The following CPNE4 variants were observed in gnomAD, a reference collection of about 807,000 sequenced individuals.
CPNE4 encodes copine 4.
A neutral mutation model predicts 67.9 loss-of-function variants in CPNE4; 25 were observed. The observed-to-expected ratio is 0.37, with a 90% confidence interval of 0.27 to 0.51. CPNE4 has a LOEUF of 0.51. Among genes scored for constraint, CPNE4 ranks in the 20% least tolerant of loss-of-function variants. CPNE4 has a pLI of 0.93. For missense variants in CPNE4, 464 were observed against 690.8 expected (o/e 0.67, Z 3.68); for synonymous variants, 242 against 244.9 (o/e 0.99, Z 0.11).
chr3:132,010,575 T>G (rs1366526933), intron 1 of CPNE4, among the ~76,000 whole-genome samples: 3 of 152,146 alleles, frequency 2.0e-5, no homozygotes, highest in African/African-American at 7.2e-5. Context: ...ATCTGGACAC[T>G]TGTGTCCAGG....
chr3:132,004,090 C>G (rs528971410), intron 1 of CPNE4, among the ~76,000 whole-genome samples: 26 of 152,070 alleles, frequency 1.7e-4, no homozygotes, highest in Admixed American at 2.6e-4. Context: ...AGCATTGTCT[C>G]CAAGTTCTAA....
At chr3:131,995,536 T>C (rs1190916014) in intron 1 of CPNE4, among the ~76,000 whole-genome samples, 1 of 152,148 alleles carries the variant, frequency 6.6e-6, no homozygotes, top group African/African-American at 2.4e-5. Context: ...CTGAGCAAGA[T>C]GCCTCAGTGT....
At chr3:131,713,985 T>C (rs1314562784) in intron 3 of CPNE4, among the ~76,000 whole-genome samples, 1 of 152,064 alleles carries the variant, frequency 6.6e-6, no homozygotes, top group Non-Finnish European at 1.5e-5. Context: ...CATTCATCAC[T>C]CACGTGGCTT....
intron 2 of CPNE4, among the ~76,000 whole-genome samples, chr3:131,854,774 TCTC>T (rs1202663729): frequency 2.0e-5 from 3 of 151,556 alleles, no homozygotes; most frequent in Middle Eastern, 3.2e-3. Flanking sequence ...CTTTATTCCC[TCTC>T]CTCTTTCATT....
intron 3 of CPNE4, among the ~76,000 whole-genome samples, chr3:131,710,982 G>A (rs186673581): frequency 6.6e-6 from 1 of 152,282 alleles, no homozygotes; most frequent in East Asian, 1.9e-4. Flanking sequence ...AGTGTTGATA[G>A]CACCAAGCTC....
At chr3:131,587,772 T>C (rs967756243) in intron 7 of CPNE4, among the ~76,000 whole-genome samples, 190 bp from the exon 8 acceptor site, 10 of 152,202 alleles carry the variant, frequency 6.6e-5, no homozygotes, top group African/African-American at 2.2e-4. Context: ...CTTTTTGTAA[T>C]CTGCAAATGG....
chr3:131,718,230 T>C (rs983499700), intron 3 of CPNE4, among the ~76,000 whole-genome samples: 1 of 151,964 alleles, frequency 6.6e-6, no homozygotes, highest in Non-Finnish European at 1.5e-5. Flanking sequence ...CCTGACCTCA[T>C]GATCTGCCAG....
chr3:131,639,694 GA>G (rs1443239518), intron 7 of CPNE4, among the ~76,000 whole-genome samples: 1 of 151,764 alleles, frequency 6.6e-6, no homozygotes, highest in African/African-American at 2.4e-5. Flanking sequence ...ACCAGGGAGG[GA>G]TACAACAAAA....
At chr3:131,878,252 T>C (rs1459859080) in intron 2 of CPNE4, among the ~76,000 whole-genome samples, 3 of 152,176 alleles carry the variant, frequency 2.0e-5, no homozygotes, top group African/African-American at 7.2e-5. Context: ...GATAAATCAA[T>C]TGTGGTATTA....
At chr3:131,844,190 A>G (rs1246696875) in intron 2 of CPNE4, among the ~76,000 whole-genome samples, 5 of 151,866 alleles carry the variant, frequency 3.3e-5, no homozygotes, top group African/African-American at 4.8e-5. Flanking sequence ...GGTCATTATG[A>G]CATTTTGCTT....
chr3:131,888,852 CACTT>C (rs540572994), intron 2 of CPNE4, among the ~76,000 whole-genome samples: 147 of 152,268 alleles, frequency 9.7e-4, no homozygotes, highest in African/African-American at 3.4e-3. Context: ...ACTTGGCAGA[CACTT>C]AGAGAATTGT....
intron 2 of CPNE4, among the ~76,000 whole-genome samples, chr3:131,782,475 C>T (rs1470673815): frequency 6.6e-6 from 1 of 151,932 alleles, no homozygotes; most frequent in African/African-American, 2.4e-5. Context: ...GTAATACACA[C>T]ACACACATGC....
intron 6 of CPNE4, among the ~76,000 whole-genome samples, chr3:131,671,058 G>A (rs900190804): frequency 6.6e-6 from 1 of 152,146 alleles, no homozygotes; most frequent in African/African-American, 2.4e-5. Context: ...AGAGTGCTGG[G>A]ATTACAAGCG....
At chr3:131,614,896 T>C (rs1268820965) in intron 7 of CPNE4, among the ~76,000 whole-genome samples, 4 of 152,222 alleles carry the variant, frequency 2.6e-5, no homozygotes, top group Non-Finnish European at 5.9e-5. Context: ...AATACTCTTG[T>C]TCTTAGCCAA....
chr3:131,791,496 T>C (rs528234252), intron 2 of CPNE4, among the ~76,000 whole-genome samples: 3 of 152,170 alleles, frequency 2.0e-5, no homozygotes, highest in Non-Finnish European at 4.4e-5. Context: ...AACTAATATT[T>C]CAAATGGCCC....
intron 6 of CPNE4, among the ~76,000 whole-genome samples, chr3:131,683,564 G>A (rs550369037): frequency 6.6e-6 from 1 of 152,168 alleles, no homozygotes; most frequent in South Asian, 2.1e-4. Flanking sequence ...AGTGTCTCCT[G>A]GAGCCGTGTG....
At chr3:131,891,102 A>G (rs920682511) in intron 2 of CPNE4, among the ~76,000 whole-genome samples, 4 of 152,090 alleles carry the variant, frequency 2.6e-5, no homozygotes, top group African/African-American at 4.8e-5. Flanking sequence ...TTAGCAGAAA[A>G]ACAAACAAAC....
chr3:131,879,885 A>G (rs2087604557), intron 2 of CPNE4, among the ~76,000 whole-genome samples: 1 of 152,010 alleles, frequency 6.6e-6, no homozygotes, highest in Non-Finnish European at 1.5e-5. Flanking sequence ...TACCTGGCAG[A>G]CTCATTACCA....
intron 2 of CPNE4, among the ~76,000 whole-genome samples, chr3:131,829,521 A>G (rs1364181080): frequency 6.6e-6 from 1 of 152,190 alleles, no homozygotes; most frequent in Non-Finnish European, 1.5e-5. Flanking sequence ...GAAGGTTAGT[A>G]AATACTTGTC....
Sources: allele counts gnomAD v4.1 joint callset (sites outside exome capture counted in the v4.1 genomes callset), GRCh38; gene constraint gnomAD v4.1.1; transcripts MANE v1.5; gene names NCBI Gene and HGNC (gene_info 2026-07-23, HGNC 2026-07-21).